IGSF10: variants seen among roughly 807,000 people sequenced by gnomAD.
IGSF10 encodes the protein calvaria mechanical force protein 608.
Under a neutral mutation model 128.2 loss-of-function variants are expected in IGSF10, and 126 were observed. The ratio of observed to expected loss-of-function variants is 0.98; its 90% CI spans 0.85 to 1.14. The LOEUF is 1.14. Ranked by LOEUF, IGSF10 falls within the 50% of genes most tolerant of loss-of-function variation. The probability of loss-of-function intolerance (pLI) is 0.00; values close to 1 mark genes in which losing one functional copy is unlikely to be tolerated. For missense variants in IGSF10, 3,295 were observed against 3,149.8 expected (o/e 1.05, Z -1.10); for synonymous variants, 1,185 against 1,146.2 (o/e 1.03, Z -0.68).
the IGSF10 span, among the ~76,000 whole-genome samples, chr3:151,554,132 T>TCACACTCA: frequency 4.8e-5 from 7 of 147,334 alleles, no homozygotes; most frequent in Non-Finnish European, 9.0e-5. Context: ...CAGAGTGAGA[T>TCACACTCA]CACACACACA....
rs765314280 is a variant in IGSF10 at position 151,442,956 on chromosome 3, T to C, written c.5963+28A>G. ...TGTACAGCTAAATACATAAAGCAGA[T>C]AATTCCAACCCAAAGGTATAGACTT... is the stretch of plus-strand genomic sequence containing the variant. On this transcript the variant is annotated intron_variant, in intron 7 of 7. Coordinates refer to ENST00000282466, the MANE Select transcript of IGSF10 (RefSeq NM_178822.5). The C allele has an allele frequency of 8.2e-6, 13 of 1,581,722 alleles. No homozygotes were observed. The South Asian group carries it at 1.3e-4, about 16-fold the overall frequency.
chr3:151,597,005 G>A, the IGSF10 span, among the ~76,000 whole-genome samples: 5 of 151,764 alleles, frequency 3.3e-5, no homozygotes, highest in East Asian at 7.7e-4. Flanking sequence ...CTGAGTTTCC[G>A]GGGTTTTTTT....
the IGSF10 span, among the ~76,000 whole-genome samples, chr3:151,521,244 G>C: frequency 6.6e-6 from 1 of 151,928 alleles, no homozygotes; most frequent in Non-Finnish European, 1.5e-5. Context: ...GACCTACAGA[G>C]AGACATAGAC....
At chr3:151,478,561 T>C in the IGSF10 span, among the ~76,000 whole-genome samples, 2 of 152,180 alleles carry the variant, frequency 1.3e-5, no homozygotes, top group African/African-American at 4.8e-5. Context: ...TGATGCAGTC[T>C]TAAAGGACGC....
chr3:151,491,463 G>A, the IGSF10 span, among the ~76,000 whole-genome samples: 1 of 151,904 alleles, frequency 6.6e-6, no homozygotes, highest in African/African-American at 2.4e-5. Context: ...CTGTAATCCC[G>A]GGTACTTGGG....
At chr3:151,501,923 T>C in the IGSF10 span, among the ~76,000 whole-genome samples, 4 of 152,122 alleles carry the variant, frequency 2.6e-5, no homozygotes, top group Admixed American at 2.6e-4. Context: ...AGCATTTATT[T>C]CTCAGCATGT....
chr3:151,605,790 T>C, the IGSF10 span, among the ~76,000 whole-genome samples: 1 of 152,360 alleles, frequency 6.6e-6, no homozygotes, highest in South Asian at 2.1e-4. Flanking sequence ...TGTGGACAGA[T>C]AACCAGCTTA....
the IGSF10 span, among the ~76,000 whole-genome samples, chr3:151,483,874 C>T: frequency 1.6e-4 from 25 of 152,320 alleles, no homozygotes; most frequent in African/African-American, 5.8e-4. Flanking sequence ...AACTGAGCAG[C>T]TGTTTGGGCA....
the IGSF10 span, among the ~76,000 whole-genome samples, chr3:151,555,523 T>C: frequency 6.6e-6 from 1 of 152,084 alleles, no homozygotes; most frequent in African/African-American, 2.4e-5. Context: ...CTGAAGGAAT[T>C]AAAGTGGTCC....
At chr3:151,454,359 G>A (rs1721673782) in intron 4 of IGSF10, among the ~76,000 whole-genome samples, 1 of 151,942 alleles carries the variant, frequency 6.6e-6, no homozygotes, top group South Asian at 2.1e-4. Context: ...ATGATATTGT[G>A]GTTATTTTAA....
the IGSF10 span, among the ~76,000 whole-genome samples, chr3:151,584,977 A>G: frequency 1.5e-3 from 233 of 152,268 alleles, no homozygotes; most frequent in African/African-American, 5.1e-3. Context: ...ATTCTTTTGT[A>G]TTTACAAATT....
the IGSF10 span, among the ~76,000 whole-genome samples, chr3:151,481,384 T>C: frequency 6.6e-6 from 1 of 152,186 alleles, no homozygotes. Flanking sequence ...CTTGGGTCCA[T>C]GTTGCTGCTG....
At chr3:151,578,293 A>T in the IGSF10 span, among the ~76,000 whole-genome samples, 1 of 152,184 alleles carries the variant, frequency 6.6e-6, no homozygotes, top group Non-Finnish European at 1.5e-5. Flanking sequence ...AGTAATAGTA[A>T]ATATTTTAGG....
At chr3:151,511,265 C>A in the IGSF10 span, among the ~76,000 whole-genome samples, 1 of 152,216 alleles carries the variant, frequency 6.6e-6, no homozygotes. Flanking sequence ...GTGCTGATCT[C>A]TTGGCAGAAA....
chr3:151,505,556 C>T, the IGSF10 span, among the ~76,000 whole-genome samples: 20 of 152,220 alleles, frequency 1.3e-4, no homozygotes, highest in East Asian at 9.7e-4. Context: ...TCCCCGAGAA[C>T]GAAGTTCTTT....
intron 3 of IGSF10, among the ~76,000 whole-genome samples, chr3:151,457,558 T>C (rs571430529): frequency 4.6e-5 from 7 of 152,314 alleles, no homozygotes; most frequent in African/African-American, 1.7e-4. Context: ...TTAAGAAGCC[T>C]GGGCTCTGGA....
chr3:151,605,322 C>T, the IGSF10 span, among the ~76,000 whole-genome samples: 3 of 152,242 alleles, frequency 2.0e-5, no homozygotes, highest in East Asian at 5.8e-4. Context: ...CAATTGTACC[C>T]ATATCTGTGG....
chr3:151,437,186 T>G lies in IGSF10; in HGVS notation c.7375A>C (p.Ile2459Leu). Residue 2459 changes from isoleucine to leucine, a missense_variant, in exon 8 of 8, where the codon ATC (isoleucine) becomes CTC (leucine). Coordinates refer to ENST00000282466, the MANE Select transcript of IGSF10 (RefSeq NM_178822.5). ...SLSLHCVSDGIPKPNIKWTMP... is the reference protein window; with the variant it reads ...SLSLHCVSDGLPKPNIKWTMP... ...GTCCATTTGATATTTGGCTTAGGGA[T>G]TCCATCAGACACACAATGCAGTGAT... 6.2e-7 allele frequency: 1 copy of G among 1,614,224 alleles called. No homozygotes were observed. The highest frequency in any genetic ancestry group is 1.1e-5 in the South Asian group (1 of 91,084).
chr3:151,583,909 A>G, the IGSF10 span, among the ~76,000 whole-genome samples: 2,321 of 152,282 alleles, frequency 0.015, 19 homozygotes, highest in South Asian at 0.058. Context: ...GTAAATGTAC[A>G]CTTGTCAAAA....
Sources: allele counts gnomAD v4.1 joint callset (sites outside exome capture counted in the v4.1 genomes callset), GRCh38; gene constraint gnomAD v4.1.1; transcripts MANE v1.5; gene names NCBI Gene and HGNC (gene_info 2026-07-23, HGNC 2026-07-21).